Variants in GSG1L observed in about 807,000 individuals in gnomAD.
GSG1L encodes GSG1 like, also known as germ cell-specific gene 1-like protein.
GSG1L carries 24 observed loss-of-function variants against 42.1 expected under a neutral mutation model. That is an observed-to-expected ratio of 0.57 (90% CI 0.41 to 0.80). The LOEUF (loss-of-function observed/expected upper bound fraction) is 0.80. GSG1L is among the 30% of genes least tolerant of loss of function. The pLI, the probability that GSG1L is intolerant of heterozygous loss-of-function variation, is 0.00. For synonymous variants in GSG1L, 215 were observed against 203.5 expected (o/e 1.06, Z -0.48); for missense variants, 445 against 472.2 (o/e 0.94, Z 0.53).
intron 3 of GSG1L, among the ~76,000 whole-genome samples, chr16:27,852,157 C>T (rs991181902): frequency 5.9e-5 from 9 of 152,242 alleles, no homozygotes; most frequent in Non-Finnish European, 1.3e-4. Flanking sequence ...GCAGTGAGCA[C>T]TCATGTTTAA....
At chr16:27,919,223 G>A (rs1024282739) in intron 2 of GSG1L, among the ~76,000 whole-genome samples, 1 of 152,112 alleles carries the variant, frequency 6.6e-6, no homozygotes, top group Non-Finnish European at 1.5e-5. Context: ...TAAGGAGGAA[G>A]GAGTCAGTAC....
rs146532547 is a variant in GSG1L, at chr16:27,804,674, T to C, written c.898+2813A>G. ...TTGCCTTATCAAATGGGTCTGATGA[T>C]TCTTTCACAAGGAGATGCTGCTTGA... On this transcript the variant is annotated intron_variant, in intron 6 of 6. Coordinates refer to ENST00000447459, the MANE Select transcript of GSG1L (RefSeq NM_001109763.2). Among the ~76,000 whole-genome samples the C allele has an allele frequency of 1.9e-3, 255 of 131,708 alleles. 1 individual carries two copies. Among genetic ancestry groups the C allele is most frequent in the African/African-American group, 7.2e-3 (245 of 33,910 alleles). The allele number at this position is 131,708 out of a possible 152,430, so 86.4% of individuals were successfully genotyped here.
At chr16:27,892,097 G>C (rs2084135318) in intron 2 of GSG1L, among the ~76,000 whole-genome samples, 2 of 151,760 alleles carry the variant, frequency 1.3e-5, no homozygotes, top group African/African-American at 4.8e-5. Context: ...GGGCCCTACA[G>C]GTGATGTTGA....
At chr16:27,998,392 G>A (rs2141141481) in intron 1 of GSG1L, 1 of 152,342 alleles carries the variant, frequency 6.6e-6, no homozygotes, top group East Asian at 1.9e-4. Context: ...TGTGCTGCCA[G>A]AGCAAGCACT....
At chr16:28,056,271 C>T (rs1376274225) in intron 1 of GSG1L, among the ~76,000 whole-genome samples, 1 of 151,996 alleles carries the variant, frequency 6.6e-6, no homozygotes, top group Non-Finnish European at 1.5e-5. Context: ...ACATATACGC[C>T]ATGGAATACT....
chr16:28,058,507 T>C (rs1336761496), intron 1 of GSG1L, among the ~76,000 whole-genome samples: 2 of 151,148 alleles, frequency 1.3e-5, no homozygotes, highest in Non-Finnish European at 2.9e-5. Flanking sequence ...TGTACACCTG[T>C]GGTCCCAGCT....
intron 2 of GSG1L, among the ~76,000 whole-genome samples, chr16:27,931,881 A>G (rs2084660921): frequency 6.6e-6 from 1 of 152,232 alleles, no homozygotes; most frequent in Admixed American, 6.5e-5. Flanking sequence ...AGACACAGCC[A>G]CATGGATAAT....
intron 6 of GSG1L, among the ~76,000 whole-genome samples, chr16:27,793,857 C>G (rs867517863): frequency 2.0e-5 from 3 of 152,202 alleles, no homozygotes; most frequent in Middle Eastern, 3.2e-3. Flanking sequence ...CCACCCACTT[C>G]TCTTCTCTCC....
chr16:28,043,855 C>G (rs1394102082), intron 1 of GSG1L, among the ~76,000 whole-genome samples: 1 of 151,876 alleles, frequency 6.6e-6, no homozygotes, highest in Non-Finnish European at 1.5e-5. Flanking sequence ...GACCCCATCT[C>G]TGTAAAAAAT....
chr16:27,868,456 C>T (rs1425382273), intron 3 of GSG1L, among the ~76,000 whole-genome samples: 3 of 152,230 alleles, frequency 2.0e-5, no homozygotes, highest in African/African-American at 7.2e-5. Context: ...GCCATTCCTC[C>T]AAGGCTAATG....
At chr16:28,046,341 CTTTTTTTTTTT>C (rs201480876) in intron 1 of GSG1L, among the ~76,000 whole-genome samples, 3 of 76,002 alleles carry the variant, frequency 3.9e-5, no homozygotes, top group East Asian at 3.8e-4. Flanking sequence ...GAAGTCCACT[CTTTTTTTTTTT>C]TTTTTTTTTT....
intron 1 of GSG1L, among the ~76,000 whole-genome samples, chr16:28,044,778 C>A (rs543330537): frequency 3.3e-4 from 50 of 152,198 alleles, no homozygotes; most frequent in Non-Finnish European, 6.0e-4. Context: ...CGTGTGCCAC[C>A]ATGCCTGGCT....
intron 5 of GSG1L, among the ~76,000 whole-genome samples, chr16:27,825,401 T>C (rs2140962401): frequency 6.6e-6 from 1 of 152,328 alleles, no homozygotes; most frequent in East Asian, 1.9e-4. Context: ...CCAGGCATAC[T>C]GGCTCATGCC....
intron 4 of GSG1L, among the ~76,000 whole-genome samples, chr16:27,833,860 T>C (rs2083296287): frequency 6.6e-6 from 1 of 152,206 alleles, no homozygotes; most frequent in Non-Finnish European, 1.5e-5. Flanking sequence ...TGAATTTGTC[T>C]ACACAGATAA....
intron 1 of GSG1L, among the ~76,000 whole-genome samples, chr16:27,970,563 C>T (rs1291539199): frequency 6.6e-6 from 1 of 151,256 alleles, no homozygotes; most frequent in Non-Finnish European, 1.5e-5. Flanking sequence ...CAGAGTGAGA[C>T]TCCATCTAAA....
intron 2 of GSG1L, among the ~76,000 whole-genome samples, chr16:27,906,449 G>A (rs192486239): frequency 6.6e-6 from 1 of 152,142 alleles, no homozygotes; most frequent in Non-Finnish European, 1.5e-5. Context: ...AAAAGCTGGC[G>A]TGTGGCCTTC....
At chr16:27,949,126 A>C (rs1393582061) in intron 2 of GSG1L, among the ~76,000 whole-genome samples, 1 of 151,478 alleles carries the variant, frequency 6.6e-6, no homozygotes, top group Non-Finnish European at 1.5e-5. Flanking sequence ...TATGCTGCCA[A>C]GGCTGGTCTC....
intron 4 of GSG1L, among the ~76,000 whole-genome samples, chr16:27,831,861 C>T (rs1470945260): frequency 6.6e-6 from 1 of 152,182 alleles, no homozygotes; most frequent in Non-Finnish European, 1.5e-5. Context: ...CTCTTTTCCA[C>T]TCCTCAAAAA....
intron 1 of GSG1L, among the ~76,000 whole-genome samples, chr16:28,010,530 C>G (rs2085705205): frequency 6.6e-6 from 1 of 152,158 alleles, no homozygotes; most frequent in Admixed American, 6.5e-5. Flanking sequence ...GCTGTTCAAT[C>G]TGGAGGTGCC....
Sources: gnomAD v4.1 joint callset for allele counts (sites outside exome capture counted in the v4.1 genomes callset) on GRCh38, gnomAD v4.1.1 for gene constraint, MANE v1.5 for transcripts, NCBI Gene and HGNC (gene_info 2026-07-23, HGNC 2026-07-21) for gene names.